The following RBBP5 variants were observed in gnomAD, a reference collection of about 807,000 sequenced individuals.
RBBP5 encodes RB binding protein 5, histone lysine methyltransferase complex subunit, also known as retinoblastoma-binding protein 5.
In RBBP5, 5 loss-of-function variants were observed where a neutral mutation model predicts 72.2. That is an observed-to-expected ratio of 0.07 (90% CI 0.04 to 0.15). RBBP5 has a LOEUF of 0.15. Ranked by LOEUF, RBBP5 falls within the 10% of genes least tolerant of loss-of-function variation. RBBP5 has a pLI of 1.00. For missense variants in RBBP5, 322 were observed against 652.2 expected, an observed-to-expected ratio of 0.49 and a Z score of 5.51; for synonymous variants, 209 against 237.2, an observed-to-expected ratio of 0.88 and a Z score of 1.09.
chr1:205,113,731 C>CTA, intron 3 of RBBP5, among the ~76,000 whole-genome samples: 1 of 149,036 alleles, frequency 6.7e-6, no homozygotes, highest in East Asian at 2.0e-4. Flanking sequence ...GTTGCCCAGG[C>CTA]TAGAGTGCAG....
chr1:205,107,317 G>C (rs4951170), intron 3 of RBBP5, among the ~76,000 whole-genome samples: 1 of 151,930 alleles, frequency 6.6e-6, no homozygotes, highest in Admixed American at 6.6e-5. Flanking sequence ...AATCCACTCC[G>C]AGAAATACAA....
intron 13 of RBBP5, among the ~76,000 whole-genome samples, chr1:205,092,113 A>G (rs1467845639): frequency 6.6e-6 from 1 of 152,172 alleles, no homozygotes; most frequent in Non-Finnish European, 1.5e-5. Context: ...AATCCCATAT[A>G]AAAACATGAT....
chr1:205,114,387 T>C (rs1401347517), intron 3 of RBBP5, among the ~76,000 whole-genome samples: 1 of 152,236 alleles, frequency 6.6e-6, no homozygotes, highest in African/African-American at 2.4e-5. Context: ...CTATATTTCA[T>C]TGAAGGAATA....
Position 205,088,597 on chromosome 1 carries a change from G to T in RBBP5, c.*190C>A. On this transcript the variant is annotated 3_prime_UTR_variant, in exon 14 of 14. Transcript: ENST00000264515. The stretch of plus-strand genomic sequence containing the variant: ...GTCTATTTGGACTTATGCTTGAAAG[G>T]GAAGGGAAGGTCGTATACTCTTCTT... 1 of 557,984 alleles carries T rather than the reference G, an allele frequency of 1.8e-6. No individual in the cohort carries two copies. The highest frequency in any genetic ancestry group is 3.1e-6 in the Non-Finnish European group (1 of 320,076). 34.6% of individuals were successfully genotyped at this position (557,984 alleles called of 1,614,324 possible).
At position 205,086,853 on chromosome 1, in the gene RBBP5, T is replaced by C. The variant is rs1655158941; in HGVS notation, c.*1934A>G. 1 of 152,198 alleles carries C rather than the reference T, an allele frequency of 6.6e-6. No individual in the cohort carries two copies. Among genetic ancestry groups the C allele is most frequent in the Admixed American group, 6.5e-5 (1 of 15,274 alleles). 9.4% of individuals were successfully genotyped at this position (152,198 alleles called of 1,614,324 possible). A position where few individuals can be genotyped will look rare whatever the true frequency, so the allele number is the denominator to read the frequency against. ...GATGGCAGAAACCCTCTAAGTCCCA[T>C]AGTTTGCACACTGCTGCAGTGTACA... is the stretch of plus-strand genomic sequence containing the variant. On this transcript the variant is annotated 3_prime_UTR_variant, in exon 14 of 14. Transcript: ENST00000264515.
chr1:205,112,578 G>A (rs1656359982), intron 3 of RBBP5, among the ~76,000 whole-genome samples: 2 of 151,972 alleles, frequency 1.3e-5, no homozygotes, highest in South Asian at 4.1e-4. Context: ...ATAACTCATG[G>A]TCAACACCTG....
Position 205,117,169 on chromosome 1 carries a change from A to G in RBBP5, c.20-1286T>C, listed in dbSNP as rs570228982. On this transcript the variant is annotated intron_variant, in intron 1 of 13. Transcript: ENST00000264515. ...CAAGTTCAAGCGCTTCTCCTGCCCC[A>G]GCCTCCTGAGCAGCAGCTGGGATTA... 1.1e-3 allele frequency among the ~76,000 whole-genome samples: 164 copies of G among 152,100 alleles called. 1 individual carries two copies. Among genetic ancestry groups the G allele is most frequent in the African/African-American group, 3.7e-3 (154 of 41,544 alleles).
chr1:205,093,476 AAAAATATATATATATATATATATATATAT>A (rs1356371640), intron 13 of RBBP5, among the ~76,000 whole-genome samples: 6 of 6,938 alleles, frequency 8.6e-4, no homozygotes, highest in Non-Finnish European at 9.5e-4. Flanking sequence ...AAAAAAAAAA[AAAAATATATATATATATATATATATATAT>A]ATATATATAT....
At chr1:205,114,645 GATCTAC>G (rs1333155163) in intron 3 of RBBP5, 138 bp downstream of exon 3, 1 of 782,836 alleles carries the variant, frequency 1.3e-6, no homozygotes, top group African/African-American at 1.8e-5. Context: ...ATGGACTCAG[GATCTAC>G]ATAAACCATG....
intron 5 of RBBP5, among the ~76,000 whole-genome samples, chr1:205,103,650 T>A (rs939943065): frequency 2.6e-5 from 4 of 152,234 alleles, no homozygotes; most frequent in Non-Finnish European, 4.4e-5. Context: ...GGTCCTCCCA[T>A]GCTTTTCTAG....
intron 3 of RBBP5, among the ~76,000 whole-genome samples, chr1:205,106,141 C>T (rs79482655): frequency 0.029 from 4,391 of 152,240 alleles, 200 homozygotes; most frequent in African/African-American, 0.094. Flanking sequence ...ATGTTATCAG[C>T]AGAGACCTAG....
intron 13 of RBBP5, among the ~76,000 whole-genome samples, 200 bp from the exon 14 acceptor site, chr1:205,089,015 C>T (rs991021467): frequency 2.0e-5 from 3 of 152,156 alleles, no homozygotes; most frequent in Non-Finnish European, 2.9e-5. Flanking sequence ...CCAAACCCCC[C>T]ACCCCAATAC....
In RBBP5 at chr1:205,112,681, G is replaced by A. The variant is rs150780970; in HGVS notation, c.218+2108C>T. 6.6e-5 allele frequency among the ~76,000 whole-genome samples: 10 copies of A among 152,174 alleles called. No homozygotes were observed. In the East Asian group the frequency reaches 1.9e-3, roughly 29 times the overall value. ...AGTTGAGGAAAAAAAACAGAAAATG[G>A]TTAAGTAAATTATGGTTTATCAGAC... On this transcript the variant is annotated intron_variant, in intron 3 of 13. Transcript: ENST00000264515.
rs1290984254 is a variant in RBBP5, at chr1:205,096,930, G to C, written c.1167-19C>G. ...TTCATCACTATTTGGAGCAGGATCA[G>C]ACAAGGGATTGGAAAAAAGAGGAGA... On this transcript the variant is annotated intron_variant, in intron 11 of 13. Transcript: ENST00000264515. The C allele has an allele frequency of 6.4e-7, 1 of 1,551,352 alleles. No homozygotes were observed. The highest frequency in any genetic ancestry group is 1.4e-5 in the African/African-American group (1 of 72,472).
At chr1:205,113,446 AT>A (rs1454748600) in intron 3 of RBBP5, among the ~76,000 whole-genome samples, 2 of 151,822 alleles carry the variant, frequency 1.3e-5, no homozygotes, top group Non-Finnish European at 2.9e-5. Flanking sequence ...CACCCAGCTA[AT>A]TTTTTTACTT....
chr1:205,114,354 C>T (rs1047598853), intron 3 of RBBP5, among the ~76,000 whole-genome samples: 3 of 152,158 alleles, frequency 2.0e-5, no homozygotes, highest in Non-Finnish European at 2.9e-5. Flanking sequence ...ACTGTTTTTA[C>T]GTTTTCTATA....
intron 3 of RBBP5, among the ~76,000 whole-genome samples, chr1:205,110,787 A>G (rs7553876): frequency 0.42 from 64,154 of 152,084 alleles, 14,181 homozygotes; most frequent in Non-Finnish European, 0.47. Context: ...TAAATGGCCA[A>G]GCACGGTGGC....
rs76361181 is a variant in RBBP5, at chr1:205,088,398, T to C, written c.*389A>G. On this transcript the variant is annotated 3_prime_UTR_variant, in exon 14 of 14. Transcript: ENST00000264515. ...ATAAGAAGTCACTCAAAGACATGCA[T>C]TGAGGACCGAAGGCAAATGGGAGAT... 1.5e-4 allele frequency: 29 copies of C among 188,406 alleles called. No individual in the cohort carries two copies. In the East Asian group the frequency reaches 3.2e-3, roughly 21 times the overall value. 11.7% of individuals were successfully genotyped at this position (188,406 alleles called of 1,614,324 possible).
chr1:205,121,943 T>C lies in RBBP5; in HGVS notation c.-70A>G. The C allele has an allele frequency of 6.2e-7, 1 of 1,601,478 alleles. No individual in the cohort carries two copies. The highest frequency in any genetic ancestry group is 8.5e-7 in the Non-Finnish European group (1 of 1,178,596). On this transcript the variant is annotated 5_prime_UTR_variant, in exon 1 of 14. Transcript: ENST00000264515. ...CTTCTCCCCGGCCGGCTTCAGCAAC[T>C]TGCGTCTAAGTGGTGGACGCCGCGA...
Sources: gnomAD v4.1 joint callset for allele counts (sites outside exome capture counted in the v4.1 genomes callset) on GRCh38, gnomAD v4.1.1 for gene constraint, MANE v1.5 for transcripts, NCBI Gene and HGNC (gene_info 2026-07-23, HGNC 2026-07-21) for gene names.